ATP10B: variants seen among roughly 807,000 people sequenced by gnomAD.
ATP10B encodes phospholipid-transporting ATPase VB.
In ATP10B, 122 loss-of-function variants were observed where a neutral mutation model predicts 141.2. The ratio of observed to expected loss-of-function variants is 0.86; its 90% CI spans 0.75 to 1.00. The LOEUF is 1.00. ATP10B is among the 50% of genes least tolerant of loss of function. The pLI, the probability that ATP10B is intolerant of heterozygous loss-of-function variation, is 0.00. For missense variants in ATP10B, 1,876 were observed against 1,825.3 expected (o/e 1.03, Z -0.51); for synonymous variants, 685 against 692.0 (o/e 0.99, Z 0.16).
rs549580673 is a variant in ATP10B at position 160,597,551 on chromosome 5, T to G, written c.3564+1219A>C. 3.9e-3 allele frequency among the ~76,000 whole-genome samples: 589 copies of G among 152,224 alleles called. 7 individuals are homozygous for G. The highest frequency in any genetic ancestry group is 0.013 in the African/African-American group (557 of 41,540). On this transcript the variant is annotated intron_variant, in intron 22 of 25. Coordinates refer to ENST00000327245, the MANE Select transcript of ATP10B (RefSeq NM_025153.3). ...AAAGCCAAAATTGACAAATGGGATC[T>G]AATTAAACTAAAGAGCTTCTGCACA...
At chr5:160,663,613 G>A (rs1033258716) in intron 7 of ATP10B, among the ~76,000 whole-genome samples, 2 of 152,036 alleles carry the variant, frequency 1.3e-5, no homozygotes, top group Non-Finnish European at 2.9e-5. Flanking sequence ...CACAGGAAGG[G>A]GAACATCACA....
chr5:160,858,992 A>AT, the ATP10B span, among the ~76,000 whole-genome samples: 1 of 151,842 alleles, frequency 6.6e-6, no homozygotes, highest in Non-Finnish European at 1.5e-5. Flanking sequence ...GCATTTAGCT[A>AT]TTTTTTTAAA....
At chr5:160,750,080 G>T (rs1465955255) in intron 2 of ATP10B, among the ~76,000 whole-genome samples, 1 of 152,180 alleles carries the variant, frequency 6.6e-6, no homozygotes, top group Non-Finnish European at 1.5e-5. Context: ...TGCAGGTTTT[G>T]ATTAAAGATG....
intron 7 of ATP10B, among the ~76,000 whole-genome samples, chr5:160,651,168 G>C (rs1405823461): frequency 1.3e-5 from 2 of 152,104 alleles, no homozygotes; most frequent in Non-Finnish European, 2.9e-5. Context: ...GGAAATCTGT[G>C]ACTGAAAGGT....
chr5:160,636,998 AT>A (rs1759436239), intron 10 of ATP10B, among the ~76,000 whole-genome samples: 25 of 27,452 alleles, frequency 9.1e-4, no homozygotes, highest in East Asian at 2.9e-3. Context: ...CCACCCACCC[AT>A]CCATCAATCC....
intron 3 of ATP10B, among the ~76,000 whole-genome samples, chr5:160,707,671 A>C (rs1260274513): frequency 2.0e-5 from 3 of 152,236 alleles, no homozygotes; most frequent in African/African-American, 4.8e-5. Flanking sequence ...AAGCCTATTA[A>C]TATCAGATGA....
At position 160,606,850 on chromosome 5, in the gene ATP10B, G is replaced by C. The variant is rs752172818; in HGVS notation, c.3075C>G (p.Val1025=). 7 of 1,614,136 alleles carry C rather than the reference G, an allele frequency of 4.3e-6. No individual in the cohort carries two copies. Among genetic ancestry groups the C allele is most frequent in the Non-Finnish European group, 2.5e-6 (3 of 1,180,004 alleles). ...GGAGTGGCGTGGAGCGGCAGCACAG[G>C]ACGGACCGACAATACTGGGTCAATT... ...FLELTQYCRS[V]LCCRSTPLQK... The change falls in exon 19 of 26, where the codon GTC becomes GTG. Residue 1025 remains valine (V), a synonymous_variant. Transcript: ENST00000327245.
intron 6 of ATP10B, chr5:160,685,249 C>T (rs979406593): frequency 8.9e-6 from 5 of 563,008 alleles, no homozygotes; most frequent in Non-Finnish European, 1.6e-5. Flanking sequence ...TTTTAATTCT[C>T]ATAATTTAAT....
At chr5:160,746,636 C>G (rs1767825243) in intron 2 of ATP10B, among the ~76,000 whole-genome samples, 1 of 152,136 alleles carries the variant, frequency 6.6e-6, no homozygotes, top group South Asian at 2.1e-4. Flanking sequence ...AAATGATCCA[C>G]CCGCCTCAGC....
chr5:160,832,948 C>T (rs564190182), intron 1 of ATP10B, among the ~76,000 whole-genome samples: 36 of 150,462 alleles, frequency 2.4e-4, no homozygotes, highest in Admixed American at 2.0e-3. Flanking sequence ...TCTGCAGTCA[C>T]TCGTCACTCT....
At position 160,806,953 on chromosome 5, in the gene ATP10B, G is replaced by T. The variant is rs533895327; in HGVS notation, c.-575-21150C>A. 1.8e-4 allele frequency among the ~76,000 whole-genome samples: 28 copies of T among 152,254 alleles called. 1 individual carries two copies. In the South Asian group the frequency reaches 3.9e-3, roughly 21 times the overall value. On this transcript the variant is annotated intron_variant, in intron 1 of 25. Coordinates refer to ENST00000327245, the MANE Select transcript of ATP10B (RefSeq NM_025153.3). ...TTCCTTCATGTAGGAGGTCAACAGA[G>T]TGCAAATGAAATTAGCCTCATTTTC... is the stretch of plus-strand genomic sequence containing the variant.
chr5:160,752,857 C>T (rs549769884), intron 2 of ATP10B, among the ~76,000 whole-genome samples: 4 of 152,192 alleles, frequency 2.6e-5, no homozygotes, highest in South Asian at 4.2e-4. Flanking sequence ...AGAAATACTT[C>T]GGGGACAGCT....
the ATP10B span, among the ~76,000 whole-genome samples, chr5:160,870,639 A>T: frequency 3.9e-4 from 60 of 152,140 alleles, no homozygotes; most frequent in African/African-American, 1.4e-3. Context: ...AAGATCAGAG[A>T]ATGAAATAAA....
chr5:160,605,789 C>T (rs561083620), intron 19 of ATP10B, among the ~76,000 whole-genome samples: 1 of 152,306 alleles, frequency 6.6e-6, no homozygotes, highest in Admixed American at 6.5e-5. Flanking sequence ...ATATTTACTA[C>T]ATGCTTGGTA....
intron 1 of ATP10B, among the ~76,000 whole-genome samples, chr5:160,826,676 T>C (rs1032019766): frequency 6.6e-6 from 1 of 152,124 alleles, no homozygotes; most frequent in Non-Finnish European, 1.5e-5. Context: ...TAAATGGACA[T>C]GCAAGTAGGA....
At chr5:160,725,734 C>T (rs1382848347) in intron 2 of ATP10B, among the ~76,000 whole-genome samples, 2 of 152,174 alleles carry the variant, frequency 1.3e-5, no homozygotes, top group East Asian at 1.9e-4. Context: ...CGTGAGCCAC[C>T]ACGCCCGGCC....
intron 3 of ATP10B, among the ~76,000 whole-genome samples, chr5:160,696,283 GT>G (rs968737254): frequency 2.6e-5 from 4 of 151,730 alleles, no homozygotes; most frequent in Non-Finnish European, 4.4e-5. Context: ...AATTTTTTGT[GT>G]TTTTTTGTAG....
intron 2 of ATP10B, among the ~76,000 whole-genome samples, chr5:160,782,438 TAC>T (rs57112303): frequency 0.076 from 10,713 of 141,010 alleles, 533 homozygotes; most frequent in African/African-American, 0.14. Flanking sequence ...TCTTCCTCCA[TAC>T]ACACACACAC....
intron 24 of ATP10B, among the ~76,000 whole-genome samples, chr5:160,588,135 G>A (rs1756035686): frequency 1.3e-5 from 2 of 152,198 alleles, no homozygotes; most frequent in Middle Eastern, 6.8e-3. Context: ...GGTGTGAGCC[G>A]CCGCACCTGC....
Sources: allele counts gnomAD v4.1 joint callset (sites outside exome capture counted in the v4.1 genomes callset), GRCh38; gene constraint gnomAD v4.1.1; transcripts MANE v1.5; gene names NCBI Gene and HGNC (gene_info 2026-07-23, HGNC 2026-07-21).